ANKRD18B: variants seen among roughly 807,000 people sequenced by gnomAD.
ANKRD18B encodes the protein ankyrin repeat domain-containing protein 18B.
ANKRD18B carries 75 observed loss-of-function variants against 111.8 expected under a neutral mutation model. That is an observed-to-expected ratio of 0.67 (90% CI 0.56 to 0.81). The LOEUF (loss-of-function observed/expected upper bound fraction) is 0.81. Among genes scored for constraint, ANKRD18B ranks in the 40% least tolerant of loss-of-function variants. The pLI is 0.00. For missense variants in ANKRD18B, 1,038 were observed against 1,225.5 expected (o/e 0.85, Z 2.28); for synonymous variants, 356 against 417.3 (o/e 0.85, Z 1.79).
intron 11 of ANKRD18B, 58 bp downstream of exon 11, chr9:33,548,913 C>T: frequency 7.3e-7 from 1 of 1,374,586 alleles, no homozygotes. Context: ...TTCATTGTGG[C>T]TATATGTTGA....
rs1312493943 is a variant in ANKRD18B at position 33,529,192 on chromosome 9, T to C, written c.495+19T>C. 1.3e-6 allele frequency: 2 copies of C among 1,577,904 alleles called. No homozygotes were observed. Among genetic ancestry groups the C allele is most frequent in the East Asian group, 4.5e-5 (2 of 44,516 alleles). ...AAACAAGGTACAGATCAATCAACTT[T>C]CTTTTCAAAATGTTTGTTTTAATAT... On this transcript the variant is annotated intron_variant, in intron 3 of 18. Coordinates refer to ENST00000684830, the MANE Select transcript of ANKRD18B (RefSeq NM_001393611.1).
chr9:33,528,540 CA>C (rs1828059382), intron 1 of ANKRD18B, 186 bp from the exon 2 acceptor site: 1 of 505,968 alleles, frequency 2.0e-6, no homozygotes, highest in Non-Finnish European at 3.5e-6. Context: ...TCATTCTATC[CA>C]AATAGGCTGC....
At chr9:33,526,703 A>G (rs1182469760) in intron 1 of ANKRD18B, among the ~76,000 whole-genome samples, 1 of 152,144 alleles carries the variant, frequency 6.6e-6, no homozygotes, top group East Asian at 1.9e-4. Flanking sequence ...CTTCAGAAGT[A>G]AAAAGGGAAT....
intron 5 of ANKRD18B, among the ~76,000 whole-genome samples, chr9:33,536,573 A>T (rs1828205143): frequency 6.6e-6 from 1 of 152,232 alleles, no homozygotes; most frequent in Non-Finnish European, 1.5e-5. Flanking sequence ...TGATCTGAAA[A>T]CAAAATACCT....
intron 12 of ANKRD18B, 39 bp from the exon 13 acceptor site, chr9:33,555,669 T>C: frequency 7.9e-7 from 1 of 1,264,178 alleles, no homozygotes; most frequent in African/African-American, 1.6e-5. Flanking sequence ...AGAGGGTCTC[T>C]AGATTTTACA....
At chr9:33,527,755 A>G (rs1828047428) in intron 1 of ANKRD18B, among the ~76,000 whole-genome samples, 1 of 152,240 alleles carries the variant, frequency 6.6e-6, no homozygotes, top group African/African-American at 2.4e-5. Flanking sequence ...GAACGGCCCT[A>G]GACCTGCTGT....
intron 17 of ANKRD18B, among the ~76,000 whole-genome samples, chr9:33,569,833 A>G: frequency 6.6e-6 from 1 of 152,178 alleles, no homozygotes; most frequent in Middle Eastern, 3.2e-3. Flanking sequence ...CAGGAGTTTG[A>G]TACCAGCCTG....
intron 10 of ANKRD18B, among the ~76,000 whole-genome samples, chr9:33,547,590 T>G (rs187190495): frequency 6.6e-6 from 1 of 152,134 alleles, no homozygotes; most frequent in African/African-American, 2.4e-5. Flanking sequence ...AGATTTTAAT[T>G]TAGTCAAATT....
At chr9:33,535,608 A>G (rs576100322) in intron 5 of ANKRD18B, among the ~76,000 whole-genome samples, 1 of 150,408 alleles carries the variant, frequency 6.6e-6, no homozygotes, top group African/African-American at 2.4e-5. Context: ...TGTTTCCATA[A>G]TAATGAAAAT....
At chr9:33,561,507 C>G (rs1481775197) in intron 14 of ANKRD18B, among the ~76,000 whole-genome samples, 2 of 152,136 alleles carry the variant, frequency 1.3e-5, no homozygotes, top group Admixed American at 6.6e-5. Context: ...GTTCTTCATA[C>G]TGTCTTCTCA....
chr9:33,539,729 G>T (rs894023978), intron 7 of ANKRD18B, among the ~76,000 whole-genome samples: 1 of 152,074 alleles, frequency 6.6e-6, no homozygotes, highest in Non-Finnish European at 1.5e-5. Context: ...GAAATGAGTA[G>T]ATCTTATCCT....
chr9:33,563,019 C>T (rs879569586), intron 14 of ANKRD18B, among the ~76,000 whole-genome samples: 6 of 152,150 alleles, frequency 3.9e-5, no homozygotes, highest in Non-Finnish European at 5.9e-5. Flanking sequence ...TGTAAGGAGA[C>T]ACCCTTGCCT....
At chr9:33,546,867 G>T (rs1305508727) in intron 10 of ANKRD18B, among the ~76,000 whole-genome samples, 2 of 152,000 alleles carry the variant, frequency 1.3e-5, no homozygotes, top group African/African-American at 4.8e-5. Context: ...AAACTTCTGT[G>T]GTGATTGAAT....
intron 14 of ANKRD18B, among the ~76,000 whole-genome samples, chr9:33,562,112 T>C (rs1196032685): frequency 6.6e-6 from 1 of 152,214 alleles, no homozygotes; most frequent in African/African-American, 2.4e-5. Flanking sequence ...CATTTAAACC[T>C]TTAGTCTCTT....
intron 14 of ANKRD18B, 87 bp downstream of exon 14, chr9:33,558,274 T>G: frequency 7.0e-7 from 1 of 1,437,772 alleles, no homozygotes; most frequent in Non-Finnish European, 9.3e-7. Flanking sequence ...ATGTGTGCCA[T>G]GATGGTTTGC....
rs1828797018 is a variant in ANKRD18B, at chr9:33,572,554, A to T, written c.*120A>T. The T allele has an allele frequency of 3.8e-6, 5 of 1,306,748 alleles. No homozygotes were observed. Among genetic ancestry groups the T allele is most frequent in the Non-Finnish European group, 4.9e-6 (5 of 1,019,570 alleles). The allele number at this position is 1,306,748 out of a possible 1,614,324, so 80.9% of individuals were successfully genotyped here. On this transcript the variant is annotated 3_prime_UTR_variant, in exon 19 of 19. Coordinates refer to ENST00000684830, the MANE Select transcript of ANKRD18B (RefSeq NM_001393611.1). Reference sequence around the variant, plus strand: ...TTTTCATATCATATGATGTATATTTATATGTTATTTTAAATGATTTTTTTA... The same window carrying T: ...TTTTCATATCATATGATGTATATTTTTATGTTATTTTAAATGATTTTTTTA...
intron 11 of ANKRD18B, among the ~76,000 whole-genome samples, 164 bp downstream of exon 11, chr9:33,549,019 C>G (rs1440913938): frequency 6.6e-6 from 1 of 152,020 alleles, no homozygotes; most frequent in Admixed American, 6.6e-5. Context: ...TGTATAGGGA[C>G]AGAAAGATGA....
At chr9:33,557,779 G>A (rs1260182524) in intron 13 of ANKRD18B, among the ~76,000 whole-genome samples, 1 of 151,370 alleles carries the variant, frequency 6.6e-6, no homozygotes, top group African/African-American at 2.4e-5. Flanking sequence ...AAAGAGTGAA[G>A]TTCCATCTCA....
In ANKRD18B at chr9:33,545,814, T is replaced by C. The variant is rs116987230; in HGVS notation, c.1150-2124T>C. Among the ~76,000 whole-genome samples, 588 of 152,314 alleles carry C rather than the reference T, an allele frequency of 3.9e-3. 7 individuals carry two copies. The highest frequency in any genetic ancestry group is 0.022 in the East Asian group (113 of 5,188). Reference sequence around the variant, plus strand: ...AAAGAGGTTCCCTTGCTGCTTCTCTTTTTATAAGTTATCTGATCCGTTCTG... The same window carrying C: ...AAAGAGGTTCCCTTGCTGCTTCTCTCTTTATAAGTTATCTGATCCGTTCTG... On this transcript the variant is annotated intron_variant, in intron 10 of 18. Transcript: ENST00000684830.
Sources: gnomAD v4.1 joint callset for allele counts (sites outside exome capture counted in the v4.1 genomes callset) on GRCh38, gnomAD v4.1.1 for gene constraint, MANE v1.5 for transcripts, NCBI Gene and HGNC (gene_info 2026-07-23, HGNC 2026-07-21) for gene names.